The following TASP1 variants were observed in gnomAD, a reference collection of about 807,000 sequenced individuals.
TASP1 encodes the protein taspase 1.
Under a neutral mutation model 56.6 loss-of-function variants are expected in TASP1, and 16 were observed. That is an observed-to-expected ratio of 0.28 (90% CI 0.19 to 0.43). The LOEUF (loss-of-function observed/expected upper bound fraction) is 0.43. TASP1 is among the 20% of genes least tolerant of loss of function. The pLI is 1.00. For synonymous variants in TASP1, 179 were observed against 184.2 expected, an observed-to-expected ratio of 0.97 and a Z score of 0.23; for missense variants, 393 against 511.6, an observed-to-expected ratio of 0.77 and a Z score of 2.24.
chr20:13,326,690 A>T, the TASP1 span, among the ~76,000 whole-genome samples: 10 of 152,100 alleles, frequency 6.6e-5, no homozygotes, highest in African/African-American at 2.4e-4. Flanking sequence ...TCTTTTGTTC[A>T]TTTTTTAAAT....
At chr20:13,284,815 A>G in the TASP1 span, among the ~76,000 whole-genome samples, 5 of 152,346 alleles carry the variant, frequency 3.3e-5, no homozygotes, top group African/African-American at 1.2e-4. Flanking sequence ...GGGGACCCAT[A>G]TGAAAAAAAT....
the TASP1 span, among the ~76,000 whole-genome samples, chr20:13,364,142 G>A: frequency 6.6e-6 from 1 of 152,086 alleles, no homozygotes; most frequent in Non-Finnish European, 1.5e-5. Flanking sequence ...CAGTGATGGG[G>A]TTGTAAAGGA....
chr20:13,160,049 G>C, the TASP1 span: 4 of 1,613,368 alleles, frequency 2.5e-6, no homozygotes, highest in Non-Finnish European at 3.4e-6. Flanking sequence ...AGTGGTGGTC[G>C]TGGGATTTCC....
chr20:13,315,177 T>C, the TASP1 span, among the ~76,000 whole-genome samples: 1 of 152,058 alleles, frequency 6.6e-6, no homozygotes, highest in Non-Finnish European at 1.5e-5. Context: ...ATAAATATGA[T>C]AGGTATTGAT....
the TASP1 span, among the ~76,000 whole-genome samples, chr20:13,162,717 C>A: frequency 6.6e-6 from 1 of 152,186 alleles, no homozygotes; most frequent in Non-Finnish European, 1.5e-5. Flanking sequence ...TTCATTCTCT[C>A]GCCTTTCAGA....
At chr20:13,394,556 A>G (rs868612392) in intron 13 of TASP1, among the ~76,000 whole-genome samples, 9 of 151,942 alleles carry the variant, frequency 5.9e-5, no homozygotes, top group South Asian at 2.1e-4. Flanking sequence ...AGCTTGCAGT[A>G]AGCCAAGATC....
chr20:13,622,720 T>C (rs2147526928), intron 4 of TASP1, among the ~76,000 whole-genome samples: 1 of 152,278 alleles, frequency 6.6e-6, no homozygotes, highest in Non-Finnish European at 1.5e-5. Context: ...TGTCATCATG[T>C]CTTACTTGAT....
intron 4 of TASP1, among the ~76,000 whole-genome samples, chr20:13,593,823 T>C (rs190414346): frequency 1.1e-4 from 16 of 152,342 alleles, no homozygotes; most frequent in African/African-American, 3.8e-4. Context: ...TAAACGTCCC[T>C]GTCTGATAGC....
chr20:13,488,227 T>C (rs1480128093), intron 10 of TASP1, among the ~76,000 whole-genome samples: 1 of 151,896 alleles, frequency 6.6e-6, no homozygotes, highest in East Asian at 1.9e-4. Flanking sequence ...GGAATAAAAA[T>C]AGAAATCCAT....
At chr20:13,608,011 T>C (rs1447951388) in intron 4 of TASP1, among the ~76,000 whole-genome samples, 1 of 152,170 alleles carries the variant, frequency 6.6e-6, no homozygotes, top group Non-Finnish European at 1.5e-5. Context: ...ACTAACTTCA[T>C]TGATAAGCAG....
At chr20:13,139,925 T>C in the TASP1 span, among the ~76,000 whole-genome samples, 1 of 152,240 alleles carries the variant, frequency 6.6e-6, no homozygotes, top group Non-Finnish European at 1.5e-5. Context: ...TCTACTAGTC[T>C]GGCTTTTACC....
At chr20:13,474,788 C>A (rs1175513966) in intron 11 of TASP1, among the ~76,000 whole-genome samples, 13 of 152,122 alleles carry the variant, frequency 8.5e-5, no homozygotes, top group Admixed American at 3.3e-4. Context: ...TACATCCATG[C>A]CAACATTTAT....
At chr20:13,270,563 A>G in the TASP1 span, 22 of 1,613,860 alleles carry the variant, frequency 1.4e-5, no homozygotes, top group Non-Finnish European at 1.8e-5. Flanking sequence ...TCTCCAAAGA[A>G]GCACCAAGGG....
At chr20:13,479,730 A>C (rs968135986) in intron 11 of TASP1, among the ~76,000 whole-genome samples, 1 of 152,066 alleles carries the variant, frequency 6.6e-6, no homozygotes, top group Non-Finnish European at 1.5e-5. Flanking sequence ...CCGTGACCTC[A>C]TGTGATCCAC....
chr20:13,443,242 A>C (rs1400585558), intron 11 of TASP1, among the ~76,000 whole-genome samples: 2 of 152,186 alleles, frequency 1.3e-5, no homozygotes, highest in Non-Finnish European at 2.9e-5. Context: ...CAATTTCCCT[A>C]GCTAAAAATG....
At chr20:13,171,955 T>C in the TASP1 span, among the ~76,000 whole-genome samples, 1 of 151,702 alleles carries the variant, frequency 6.6e-6, no homozygotes, top group Non-Finnish European at 1.5e-5. Flanking sequence ...CCAGAGTTTA[T>C]AAAAATTAAA....
intron 10 of TASP1, among the ~76,000 whole-genome samples, chr20:13,490,678 C>T (rs1167382260): frequency 6.6e-6 from 1 of 152,006 alleles, no homozygotes; most frequent in Non-Finnish European, 1.5e-5. Context: ...CCTTCCCTCC[C>T]TCACCCCTCC....
intron 6 of TASP1, among the ~76,000 whole-genome samples, chr20:13,576,627 T>C (rs984453757): frequency 2.6e-5 from 4 of 152,178 alleles, no homozygotes; most frequent in East Asian, 1.9e-4. Context: ...TATAAAACAG[T>C]TGGGAGCGTT....
chr20:13,188,242 G>C, the TASP1 span, among the ~76,000 whole-genome samples: 1 of 152,210 alleles, frequency 6.6e-6, no homozygotes, highest in South Asian at 2.1e-4. Flanking sequence ...AATTTGAAAG[G>C]AAGAAGCCAA....
Sources: gnomAD v4.1 joint callset for allele counts (sites outside exome capture counted in the v4.1 genomes callset) on GRCh38, gnomAD v4.1.1 for gene constraint, MANE v1.5 for transcripts, NCBI Gene and HGNC (gene_info 2026-07-23, HGNC 2026-07-21) for gene names.